ZNF423: variants seen among roughly 807,000 people sequenced by gnomAD.
The protein encoded by ZNF423 is zinc finger protein 423, also known as Ebf-associated zinc finger protein.
In ZNF423, 12 loss-of-function variants were observed where a neutral mutation model predicts 95.8. That is an observed-to-expected ratio of 0.13 (90% CI 0.08 to 0.20). The LOEUF (loss-of-function observed/expected upper bound fraction) is 0.20. Among genes scored for constraint, ZNF423 ranks in the 10% least tolerant of loss-of-function variants. The probability of loss-of-function intolerance (pLI) is 1.00; values close to 1 mark genes in which losing one functional copy is unlikely to be tolerated. For synonymous variants in ZNF423, 749 were observed against 711.9 expected (o/e 1.05, Z -0.83); for missense variants, 1,316 against 1,737.1 (o/e 0.76, Z 4.31).
At chr16:49,806,225 GCCC>G (rs2034661410) in intron 1 of ZNF423, among the ~76,000 whole-genome samples, 1 of 152,202 alleles carries the variant, frequency 6.6e-6, no homozygotes, top group South Asian at 2.1e-4. Flanking sequence ...GGGCACCCCA[GCCC>G]CCCAGGGAGG....
chr16:49,820,119 C>G (rs911158233), intron 1 of ZNF423, among the ~76,000 whole-genome samples: 2 of 151,940 alleles, frequency 1.3e-5, no homozygotes, highest in African/African-American at 4.8e-5. Flanking sequence ...GATGGATGGA[C>G]AGACGGACGG....
At chr16:49,629,935 C>A (rs1596745138) in intron 4 of ZNF423, among the ~76,000 whole-genome samples, 1 of 152,292 alleles carries the variant, frequency 6.6e-6, no homozygotes, top group African/African-American at 2.4e-5. Flanking sequence ...GCTGCTTGAA[C>A]AAATGAATGA....
At chr16:49,789,622 A>G in intron 1 of ZNF423, 76 bp from the exon 2 acceptor site, 1 of 1,452,212 alleles carries the variant, frequency 6.9e-7, no homozygotes, top group South Asian at 1.3e-5. Context: ...AGGGCGAGGA[A>G]GAAGGAACAT....
chr16:49,804,004 C>T (rs1308001047), intron 1 of ZNF423, among the ~76,000 whole-genome samples: 7 of 146,236 alleles, frequency 4.8e-5, no homozygotes, highest in Non-Finnish European at 6.0e-5. Flanking sequence ...GGTGAGATCT[C>T]GACTCACTGC....
intron 5 of ZNF423, among the ~76,000 whole-genome samples, chr16:49,577,144 G>C (rs1014422710): frequency 5.9e-5 from 9 of 152,272 alleles, no homozygotes; most frequent in Admixed American, 4.6e-4. Flanking sequence ...CAGCTGGCGT[G>C]GGGGGGTGGG....
chr16:49,500,174 A>T (rs1008715320), intron 7 of ZNF423, among the ~76,000 whole-genome samples: 1 of 152,166 alleles, frequency 6.6e-6, no homozygotes, highest in Non-Finnish European at 1.5e-5. Flanking sequence ...CCTGACTCTG[A>T]GGCCTGAGTT....
intron 1 of ZNF423, chr16:49,854,540 C>CA: frequency 1.0e-6 from 1 of 985,434 alleles, no homozygotes; most frequent in Non-Finnish European, 1.2e-6. Context: ...TGGGAGAAGA[C>CA]AAGGGCCTGG....
rs1429568519 is a variant in ZNF423 at position 49,636,777 on chromosome 16, G to A, written c.2399C>T (p.Thr800Ile). 1.2e-6 allele frequency: 2 copies of A among 1,614,108 alleles called. No individual in the cohort carries two copies. Residue 800 changes from threonine (T) to isoleucine (I), a missense_variant, in exon 4 of 8, where the codon ACC becomes ATC. By Grantham distance (89) the Thr-to-Ile change is moderately conservative (BLOSUM62 -1). Transcript: ENST00000563137. The surrounding 1 kb of genome is among the most constrained non-coding windows in gnomAD (Gnocchi z 8.6). Reference protein sequence around the residue: ...KCIFCGETFSTEVELQCHITT... With the variant: ...KCIFCGETFSIEVELQCHITT... ...GATGTGGCACTGCAGCTCCACCTCG[G>A]TGCTGAAGGTCTCCCCACAGAAGAT...
intron 2 of ZNF423, among the ~76,000 whole-genome samples, chr16:49,735,631 G>A (rs997465498): frequency 6.6e-6 from 1 of 152,168 alleles, no homozygotes; most frequent in Non-Finnish European, 1.5e-5. Context: ...AGGTCAGAAG[G>A]AGGCTTGCAG....
chr16:49,778,080 A>G (rs2034149604), intron 2 of ZNF423, among the ~76,000 whole-genome samples: 1 of 152,238 alleles, frequency 6.6e-6, no homozygotes, highest in Non-Finnish European at 1.5e-5. Context: ...CCATCAGTTA[A>G]AGCAATCAAC....
At chr16:49,686,014 C>T (rs1231541996) in intron 3 of ZNF423, among the ~76,000 whole-genome samples, 3 of 152,198 alleles carry the variant, frequency 2.0e-5, no homozygotes, top group Admixed American at 6.5e-5. Flanking sequence ...TTCCAGTGTC[C>T]ATTCTTCAAA....
chr16:49,649,638 TACACACACACAC>T lies in ZNF423; in HGVS notation c.302-10776_302-10765del, dbSNP rs58838858. ...AAAGAAACCCTTTACTGCTTTGAAGTACACACACACACACACACACACACACACACAGGGAGA... is the reference window on the plus strand; with the variant it reads ...AAAGAAACCCTTTACTGCTTTGAAGTACACACACACACACACACAGGGAGA... On this transcript the variant is annotated intron_variant, in intron 3 of 7. Coordinates refer to ENST00000563137, the MANE Select transcript of ZNF423 (RefSeq NM_001379286.1). Among the ~76,000 whole-genome samples, 6 of 140,410 alleles carry T rather than the reference TACACACACACAC, an allele frequency of 4.3e-5. No homozygotes were observed. The East Asian group carries it at 1.0e-3, about 24-fold the overall frequency. 92.1% of individuals were successfully genotyped at this position (140,410 alleles called of 152,430 possible). A position where few individuals can be genotyped will look rare whatever the true frequency, so the allele number is the denominator to read the frequency against.
intron 5 of ZNF423, among the ~76,000 whole-genome samples, chr16:49,557,321 C>T (rs961188327): frequency 3.3e-5 from 5 of 152,312 alleles, no homozygotes; most frequent in Middle Eastern, 6.8e-3. Flanking sequence ...GGGGGGCAGA[C>T]GCCGCAGCCC....
chr16:49,812,944 C>T (rs972104997), intron 1 of ZNF423, among the ~76,000 whole-genome samples: 5 of 152,082 alleles, frequency 3.3e-5, no homozygotes, highest in African/African-American at 7.2e-5. Flanking sequence ...TAATTTTGCT[C>T]CTTGTGCATT....
chr16:49,567,640 G>A (rs1229180655), intron 5 of ZNF423, among the ~76,000 whole-genome samples: 1 of 152,234 alleles, frequency 6.6e-6, no homozygotes, highest in Non-Finnish European at 1.5e-5. Flanking sequence ...ATTGAAAAGA[G>A]CCCAGCCCCA....
intron 2 of ZNF423, among the ~76,000 whole-genome samples, chr16:49,776,069 G>A (rs972480882): frequency 6.6e-6 from 1 of 152,256 alleles, no homozygotes; most frequent in African/African-American, 2.4e-5. Flanking sequence ...CATTTAGGGA[G>A]AGGAGATGCA....
At chr16:49,782,607 C>T (rs1350553800) in intron 2 of ZNF423, among the ~76,000 whole-genome samples, 1 of 152,240 alleles carries the variant, frequency 6.6e-6, no homozygotes, top group Non-Finnish European at 1.5e-5. Context: ...ACTTACCTAA[C>T]CTGCCCAGGC....
At chr16:49,764,533 C>G (rs996505863) in intron 2 of ZNF423, 5 of 152,124 alleles carry the variant, frequency 3.3e-5, no homozygotes, top group Admixed American at 1.3e-4. Flanking sequence ...GGACCCAACA[C>G]AGAATCGTGG....
chr16:49,657,904 T>G lies in ZNF423; in HGVS notation c.302-19030A>C, dbSNP rs529455914. Among the ~76,000 whole-genome samples the G allele has an allele frequency of 1.4e-4, 22 of 152,284 alleles. No individual in the cohort carries two copies. In the South Asian group the frequency reaches 3.9e-3, roughly 27 times the overall value. On this transcript the variant is annotated intron_variant, in intron 3 of 7. Transcript: ENST00000563137. ...ATAGCCTCCTCCACAGCCCCTAATC[T>G]GCACCTGCCAGGATTTGCCATGCTC...
Sources: allele counts gnomAD v4.1 joint callset (sites outside exome capture counted in the v4.1 genomes callset), GRCh38; gene constraint gnomAD v4.1.1; non-coding constraint Gnocchi (gnomAD v3.1); transcripts MANE v1.5; gene names NCBI Gene and HGNC (gene_info 2026-07-23, HGNC 2026-07-21).